GARNL3: variants seen among roughly 807,000 people sequenced by gnomAD.
GARNL3 encodes the protein GTPase-activating Rap/Ran-GAP domain-like protein 3.
Under a neutral mutation model 125.0 loss-of-function variants are expected in GARNL3, and 63 were observed. The observed-to-expected ratio is 0.50, with a 90% CI of 0.41 to 0.62. The LOEUF is 0.62. Among genes scored for constraint, GARNL3 ranks in the 20% least tolerant of loss-of-function variants. The probability of loss-of-function intolerance (pLI) is 0.00; values close to 1 mark genes in which losing one functional copy is unlikely to be tolerated. For synonymous variants in GARNL3, 439 were observed against 457.5 expected (o/e 0.96, Z 0.52); for missense variants, 994 against 1,244.0 (o/e 0.80, Z 3.02).
intron 2 of GARNL3, among the ~76,000 whole-genome samples, chr9:127,310,773 CAAAAAAA>C (rs905120960): frequency 1.3e-5 from 1 of 74,778 alleles, no homozygotes; most frequent in Non-Finnish European, 2.8e-5. Flanking sequence ...GACTCTGTCT[CAAAAAAA>C]AAAAAAAAAA....
chr9:127,305,301 T>C (rs1266791696), intron 2 of GARNL3, among the ~76,000 whole-genome samples: 1 of 152,250 alleles, frequency 6.6e-6, no homozygotes, highest in African/African-American at 2.4e-5. Context: ...AACCTGGAGC[T>C]TGTGTTCAGA....
chr9:127,354,301 T>TGC lies in GARNL3; in HGVS notation c.1651_1652dup (p.Arg552LeufsTer8), dbSNP rs1243734594. ...TCTTTTTTATGTCACCAGGAAAAGA[T>TGC]GCTCGCCTCTTTGTCTTCAGGCTAA... is the stretch of plus-strand genomic sequence containing the variant. On this transcript the variant is annotated frameshift_variant, in exon 19 of 28. Coordinates refer to ENST00000373387, the MANE Select transcript of GARNL3 (RefSeq NM_032293.5). LOFTEE classifies it high-confidence loss of function. The TGC allele has an allele frequency of 1.2e-6, 2 of 1,611,440 alleles. No individual in the cohort carries two copies. Among genetic ancestry groups the TGC allele is most frequent in the Non-Finnish European group, 1.7e-6 (2 of 1,178,242 alleles).
At chr9:127,350,137 A>G (rs567076661) in intron 17 of GARNL3, among the ~76,000 whole-genome samples, 27 of 152,356 alleles carry the variant, frequency 1.8e-4, no homozygotes, top group Non-Finnish European at 3.1e-4. Context: ...CATTGTATCT[A>G]TAACGAACTT....
chr9:127,272,445 A>T (rs1342559181), intron 1 of GARNL3, among the ~76,000 whole-genome samples: 1 of 149,954 alleles, frequency 6.7e-6, no homozygotes, highest in African/African-American at 2.5e-5. Context: ...ATGTTCTTTA[A>T]AATTTATCTG....
At chr9:127,296,464 C>CTTTTTTTT (rs777082855) in intron 2 of GARNL3, among the ~76,000 whole-genome samples, 4 of 87,106 alleles carry the variant, frequency 4.6e-5, no homozygotes, top group African/African-American at 1.5e-4. Flanking sequence ...GTAGGCATGA[C>CTTTTTTTT]TTTTTTTTTT....
At chr9:127,363,191 A>G (rs1831105657) in intron 21 of GARNL3, 1 of 152,372 alleles carries the variant, frequency 6.6e-6, no homozygotes, top group Non-Finnish European at 1.5e-5. Flanking sequence ...AACACAGGGC[A>G]TGATAGGAGC....
At chr9:127,341,338 C>G (rs1196588530) in intron 13 of GARNL3, among the ~76,000 whole-genome samples, 1 of 152,196 alleles carries the variant, frequency 6.6e-6, no homozygotes, top group Non-Finnish European at 1.5e-5. Flanking sequence ...GAGTGGAGGA[C>G]AGTCAGGAGT....
intron 1 of GARNL3, 77 bp downstream of exon 1, chr9:127,265,098 TG>T (rs1335253130): frequency 1.5e-6 from 2 of 1,316,344 alleles, no homozygotes; most frequent in African/African-American, 2.9e-5. Flanking sequence ...TCAGATCTTT[TG>T]TTGTATATTT....
At chr9:127,227,353 T>TC in intron 1 of GARNL3, among the ~76,000 whole-genome samples, 1 of 152,114 alleles carries the variant, frequency 6.6e-6, no homozygotes, top group South Asian at 2.1e-4. Flanking sequence ...GTAATCCCAG[T>TC]ACTTTGGGAG....
At chr9:127,352,164 A>G (rs1455655576) in intron 17 of GARNL3, among the ~76,000 whole-genome samples, 1 of 152,238 alleles carries the variant, frequency 6.6e-6, no homozygotes, top group African/African-American at 2.4e-5. Flanking sequence ...TTATGTTCCA[A>G]CACTGGTGAA....
At chr9:127,228,702 A>G (rs2062954314) in intron 1 of GARNL3, among the ~76,000 whole-genome samples, 1 of 152,204 alleles carries the variant, frequency 6.6e-6, no homozygotes, top group South Asian at 2.1e-4. Flanking sequence ...TATATAGCAA[A>G]TACTTTTTTC....
At chr9:127,371,853 A>C (rs1373325695) in intron 22 of GARNL3, among the ~76,000 whole-genome samples, 1 of 152,254 alleles carries the variant, frequency 6.6e-6, no homozygotes, top group East Asian at 1.9e-4. Context: ...TTGATTTTTG[A>C]CAAAGGTGCG....
chr9:127,340,520 C>T (rs1275042028), intron 13 of GARNL3, among the ~76,000 whole-genome samples: 1 of 151,872 alleles, frequency 6.6e-6, no homozygotes, highest in Non-Finnish European at 1.5e-5. Context: ...CAGCCTCCTG[C>T]CAGGTATGCT....
At chr9:127,259,859 A>AC (rs201049129), upstream of GARNL3, among the ~76,000 whole-genome samples, 789 of 150,610 alleles carry the variant, frequency 5.2e-3, 5 homozygotes, top group Non-Finnish European at 7.9e-3. Context: ...ACATTGTGAG[A>AC]CCCCCCCGCC....
chr9:127,355,359 C>A lies in GARNL3; in HGVS notation c.1822C>A (p.Arg608=), dbSNP rs145626536. Residue 608 remains arginine, a synonymous_variant, in exon 20 of 28, where the codon CGG becomes AGG. Coordinates refer to ENST00000373387, the MANE Select transcript of GARNL3 (RefSeq NM_032293.5). ...SRELRIVVAI[R]NKLLLITRKH... The stretch of plus-strand genomic sequence containing the variant: ...AGAGCTGAGGATTGTGGTTGCAATT[C>A]GGAATAAACTGCTTCTGATCACAAG... 1,738 of 1,614,078 alleles carry A rather than the reference C, an allele frequency of 1.1e-3. 2 individuals are homozygous for A. The highest frequency in any genetic ancestry group is 1.6e-3 in the Admixed American group (95 of 60,012).
chr9:127,259,430 TGC>T (rs2131240471), upstream of GARNL3, among the ~76,000 whole-genome samples: 1 of 152,288 alleles, frequency 6.6e-6, no homozygotes, highest in East Asian at 1.9e-4. Context: ...TTTTGGTACT[TGC>T]CTTGTTCAGG....
chr9:127,328,731 T>TC (rs1231555321), intron 7 of GARNL3, among the ~76,000 whole-genome samples: 6 of 152,074 alleles, frequency 3.9e-5, no homozygotes, highest in Middle Eastern at 3.2e-3. Flanking sequence ...GACTTTAGTT[T>TC]CCCCCCATAG....
chr9:127,282,671 A>C (rs1008113478), intron 1 of GARNL3, among the ~76,000 whole-genome samples: 2 of 152,144 alleles, frequency 1.3e-5, no homozygotes, highest in Admixed American at 6.5e-5. Context: ...AATCTTTTTG[A>C]GTTTTTTTTC....
intron 1 of GARNL3, among the ~76,000 whole-genome samples, chr9:127,226,053 A>G (rs919028074): frequency 6.6e-5 from 10 of 152,090 alleles, no homozygotes; most frequent in African/African-American, 1.7e-4. Context: ...GATGACTCCA[A>G]CGTCCTCTCA....
Sources: allele counts gnomAD v4.1 joint callset (sites outside exome capture counted in the v4.1 genomes callset), GRCh38; gene constraint gnomAD v4.1.1; transcripts MANE v1.5; gene names NCBI Gene and HGNC (gene_info 2026-07-23, HGNC 2026-07-21).